RIMBP2: variants seen among roughly 807,000 people sequenced by gnomAD.
RIMBP2 encodes RIMS-binding protein 2.
RIMBP2 carries 48 observed loss-of-function variants against 118.6 expected under a neutral mutation model. The observed-to-expected ratio is 0.40, with a 90% CI of 0.32 to 0.51. RIMBP2 has a LOEUF of 0.51. RIMBP2 is among the 20% of genes least tolerant of loss of function. RIMBP2 has a pLI of 0.41. For synonymous variants in RIMBP2, 762 were observed against 742.9 expected (o/e 1.03, Z -0.42); for missense variants, 1,551 against 1,768.3 (o/e 0.88, Z 2.20).
intron 14 of RIMBP2, among the ~76,000 whole-genome samples, chr12:130,433,997 T>C (rs2077330599): frequency 6.6e-6 from 1 of 152,226 alleles, no homozygotes; most frequent in Non-Finnish European, 1.5e-5. Flanking sequence ...TGTTCACCTG[T>C]GGTCTGTAAC....
At chr12:130,492,445 A>AAGAG (rs767355456) in intron 4 of RIMBP2, among the ~76,000 whole-genome samples, 3 of 151,764 alleles carry the variant, frequency 2.0e-5, no homozygotes, top group African/African-American at 7.3e-5. Flanking sequence ...GGGAAAAAAA[A>AAGAG]AGAGAGAGAG....
chr12:130,432,212 C>T (rs150863909), intron 14 of RIMBP2: 255 of 456,512 alleles, frequency 5.6e-4, no homozygotes, highest in African/African-American at 4.2e-3. Flanking sequence ...TGGGGAAAGG[C>T]GTGGAAACAG....
chr12:130,508,903 G>A (rs1209377255), intron 3 of RIMBP2, among the ~76,000 whole-genome samples: 1 of 152,146 alleles, frequency 6.6e-6, no homozygotes, highest in Non-Finnish European at 1.5e-5. Context: ...AGCCCTCCCA[G>A]ACACAGGCCC....
intron 1 of RIMBP2, among the ~76,000 whole-genome samples, chr12:130,694,028 TC>T (rs1439464416): frequency 1.3e-5 from 2 of 152,194 alleles, no homozygotes; most frequent in Non-Finnish European, 2.9e-5. Context: ...CATCCGAACT[TC>T]CATGCCATAA....
chr12:130,448,474 C>T (rs577583326), intron 9 of RIMBP2, among the ~76,000 whole-genome samples: 2 of 152,256 alleles, frequency 1.3e-5, no homozygotes, highest in Non-Finnish European at 2.9e-5. Flanking sequence ...CCCTGCTTGG[C>T]TGGGAAGCCA....
chr12:130,707,592 A>G (rs1049572478), intron 1 of RIMBP2, among the ~76,000 whole-genome samples: 1 of 152,154 alleles, frequency 6.6e-6, no homozygotes, highest in African/African-American at 2.4e-5. Context: ...CGCTTGCTCT[A>G]AGTGAGAATA....
chr12:130,574,563 T>C (rs2057942411), intron 2 of RIMBP2, among the ~76,000 whole-genome samples: 1 of 152,198 alleles, frequency 6.6e-6, no homozygotes. Context: ...GATGCATCGC[T>C]GAACCTGGTA....
At chr12:130,567,349 A>G (rs2057291356) in intron 2 of RIMBP2, among the ~76,000 whole-genome samples, 1 of 152,208 alleles carries the variant, frequency 6.6e-6, no homozygotes, top group Admixed American at 6.5e-5. Flanking sequence ...ACTGATTACT[A>G]GAAAGGCTGA....
chr12:130,480,893 G>A (rs1290335905), intron 4 of RIMBP2, among the ~76,000 whole-genome samples: 5 of 152,202 alleles, frequency 3.3e-5, no homozygotes, highest in Non-Finnish European at 5.9e-5. Flanking sequence ...GAGCCACCGC[G>A]CCCGACCACC....
chr12:130,716,102 TTGTC>T (rs1278061753), intron 1 of RIMBP2, 116 bp downstream of exon 1: 3 of 152,004 alleles, frequency 2.0e-5, no homozygotes, highest in Non-Finnish European at 4.4e-5. Flanking sequence ...AAGATAAACT[TTGTC>T]TGGGCAAAGA....
At chr12:130,637,134 C>T (rs1174052882) in intron 1 of RIMBP2, among the ~76,000 whole-genome samples, 1 of 152,228 alleles carries the variant, frequency 6.6e-6, no homozygotes, top group Non-Finnish European at 1.5e-5. Context: ...AATCTTTGCA[C>T]TGAGATGTTC....
intron 2 of RIMBP2, among the ~76,000 whole-genome samples, chr12:130,574,757 C>A (rs2057956177): frequency 6.6e-6 from 1 of 151,918 alleles, no homozygotes; most frequent in Non-Finnish European, 1.5e-5. Context: ...GGGCTCACAA[C>A]CCCTCTGCCA....
chr12:130,684,950 TC>T (rs1390069518), intron 1 of RIMBP2, among the ~76,000 whole-genome samples: 1 of 152,200 alleles, frequency 6.6e-6, no homozygotes, highest in Non-Finnish European at 1.5e-5. Flanking sequence ...TTGCAGGAGA[TC>T]CAAGAACCCT....
At chr12:130,445,493 T>A (rs2078451323) in intron 9 of RIMBP2, among the ~76,000 whole-genome samples, 1 of 152,206 alleles carries the variant, frequency 6.6e-6, no homozygotes, top group African/African-American at 2.4e-5. Context: ...GGAAATGAAG[T>A]TATATGCTCA....
intron 12 of RIMBP2, 30 bp downstream of exon 12, chr12:130,438,335 A>ACCCCACC: frequency 1.2e-6 from 1 of 865,012 alleles, no homozygotes; most frequent in Admixed American, 1.8e-5. Context: ...GGCCTAACAA[A>ACCCCACC]CCCTCCCCAC....
chr12:130,541,224 C>T (rs1566230099), intron 2 of RIMBP2, among the ~76,000 whole-genome samples: 1 of 152,192 alleles, frequency 6.6e-6, no homozygotes, highest in African/African-American at 2.4e-5. Flanking sequence ...ATCTTCTTCC[C>T]TCACTTCCCC....
At chr12:130,461,184 C>A (rs1485087426) in intron 6 of RIMBP2, among the ~76,000 whole-genome samples, 1 of 152,198 alleles carries the variant, frequency 6.6e-6, no homozygotes, top group Non-Finnish European at 1.5e-5. Flanking sequence ...GAGGCGGCTG[C>A]AGAGAGCCTG....
At chr12:130,611,788 G>GAACCCATGTCGACCCATGA (rs2060571980) in intron 2 of RIMBP2, among the ~76,000 whole-genome samples, 1 of 152,150 alleles carries the variant, frequency 6.6e-6, no homozygotes, top group Non-Finnish European at 1.5e-5. Context: ...GCAGGACACG[G>GAACCCATGTCGACCCATGA]AACCCATGTC....
At chr12:130,690,128 C>T (rs967673784) in intron 1 of RIMBP2, among the ~76,000 whole-genome samples, 1 of 152,198 alleles carries the variant, frequency 6.6e-6, no homozygotes, top group African/African-American at 2.4e-5. Flanking sequence ...CCTCCTCCTG[C>T]CTCTGCTCCC....
Sources: gnomAD v4.1 joint callset for allele counts (sites outside exome capture counted in the v4.1 genomes callset) on GRCh38, gnomAD v4.1.1 for gene constraint, MANE v1.5 for transcripts, NCBI Gene and HGNC (gene_info 2026-07-23, HGNC 2026-07-21) for gene names.